The following GNRHR variants were observed in gnomAD, a reference collection of about 807,000 sequenced individuals.
The protein encoded by GNRHR is gonadotropin releasing hormone receptor.
GNRHR carries 14 observed loss-of-function variants against 28.1 expected under a neutral mutation model. That is an observed-to-expected ratio of 0.50 (90% CI 0.33 to 0.78). The LOEUF (loss-of-function observed/expected upper bound fraction) is 0.78, where lower values mean the gene tolerates loss of function less well. GNRHR is among the 30% of genes least tolerant of loss of function. The probability of loss-of-function intolerance (pLI) is 0.02; values close to 1 mark genes in which losing one functional copy is unlikely to be tolerated. For synonymous variants in GNRHR, 141 were observed against 140.5 expected (o/e 1.00, Z -0.02); for missense variants, 366 against 382.1 (o/e 0.96, Z 0.35).
At chr4:67,741,606 G>A (rs913895184) in intron 2 of GNRHR, among the ~76,000 whole-genome samples, 1 of 152,122 alleles carries the variant, frequency 6.6e-6, no homozygotes, top group African/African-American at 2.4e-5. Flanking sequence ...TCTACTTTTA[G>A]TTCTTTAAGG....
rs910922936 is a variant in GNRHR at position 67,739,012 on chromosome 4, C to T, written c.*1468G>A. ...AATTTGCTTTCCATAATACCACACA[C>T]CTGGAGTATTTAGAAATTACATTTC... On this transcript the variant is annotated 3_prime_UTR_variant, in exon 3 of 3. Transcript: ENST00000226413. 6.6e-6 allele frequency among the ~76,000 whole-genome samples: 1 copy of T among 152,002 alleles called. No homozygotes were observed. The highest frequency in any genetic ancestry group is 1.9e-4 in the East Asian group (1 of 5,194).
chr4:67,740,631 C>A lies in GNRHR; in HGVS notation c.836G>T (p.Cys279Phe), dbSNP rs763161932. ...TVAFATSFTV[C>F]WTPYYVLGIW... ...TCCTAGGACATAGTAGGGAGTCCAG[C>A]AGACAGTAAATGAAGTGGCAAATGC... Residue 279 changes from cysteine to phenylalanine, a missense_variant, in exon 3 of 3, where the codon TGC becomes TTC. Coordinates refer to ENST00000226413, the MANE Select transcript of GNRHR (RefSeq NM_000406.3). The A allele has an allele frequency of 6.2e-7, 1 of 1,612,134 alleles. No homozygotes were observed. Among genetic ancestry groups the A allele is most frequent in the African/African-American group, 1.3e-5 (1 of 74,898 alleles).
At chr4:67,744,506 T>C in intron 2 of GNRHR, 62 bp downstream of exon 2, 1 of 918,500 alleles carries the variant, frequency 1.1e-6, no homozygotes, top group East Asian at 2.4e-5. Flanking sequence ...CATGCCACTC[T>C]GTTTTGAGCA....
rs998841884 is a variant in GNRHR, at chr4:67,737,522, C to G, written c.*2958G>C. Among the ~76,000 whole-genome samples the G allele has an allele frequency of 3.9e-5, 6 of 151,920 alleles. No homozygotes were observed. Among genetic ancestry groups the G allele is most frequent in the African/African-American group, 1.4e-4 (6 of 41,424 alleles). On this transcript the variant is annotated 3_prime_UTR_variant, in exon 3 of 3. Coordinates refer to ENST00000226413, the MANE Select transcript of GNRHR (RefSeq NM_000406.3). Reference sequence around the variant, plus strand: ...TATTTTAACTGCCTAAAAACATTATCTCTTCATGACTACCACCTAAGTTCT... The same window carrying G: ...TATTTTAACTGCCTAAAAACATTATGTCTTCATGACTACCACCTAAGTTCT...
chr4:67,741,537 T>A (rs1453679125), intron 2 of GNRHR, among the ~76,000 whole-genome samples: 2 of 152,186 alleles, frequency 1.3e-5, no homozygotes, highest in Non-Finnish European at 2.9e-5. Context: ...TTTCATATAA[T>A]GCCTTTTTTC....
chr4:67,744,743 C>T lies in GNRHR; in HGVS notation c.567G>A (p.Gln189=). 1.2e-6 allele frequency: 2 copies of T among 1,604,060 alleles called. No individual in the cohort carries two copies. Among genetic ancestry groups the T allele is most frequent in the Non-Finnish European group, 8.5e-7 (1 of 1,170,824 alleles). ...TTACACATTGAGAGAAAACTTTTGT[C>T]TGTCCAGAGCTGTCTGCTAGATGAA... ...RMIHLADSSG[Q]TKVFSQCVTH... The change falls in exon 2 of 3, where the codon CAG becomes CAA. Residue 189 remains glutamine, a synonymous_variant. Transcript: ENST00000226413.
At position 67,737,176 on chromosome 4, in the gene GNRHR, T is replaced by C. The variant is rs11131725; in HGVS notation, c.*3304A>G. ...AATACACATGCAATATGAGTTCATTTTGGGAATTTGGAATTACAGGAATTC... is the reference window on the plus strand; with the variant it reads ...AATACACATGCAATATGAGTTCATTCTGGGAATTTGGAATTACAGGAATTC... On this transcript the variant is annotated 3_prime_UTR_variant, in exon 3 of 3. Coordinates refer to ENST00000226413, the MANE Select transcript of GNRHR (RefSeq NM_000406.3). 0.23 allele frequency among the ~76,000 whole-genome samples: 34,896 copies of C among 151,940 alleles called. 4,162 individuals carry two copies. The highest frequency in any genetic ancestry group is 0.3 in the Middle Eastern group (87 of 292).
Position 67,754,216 on chromosome 4 carries a change from C to T in GNRHR, c.120G>A (p.Thr40=), listed in dbSNP as rs144227203. The part of the protein sequence containing the change: ...TLTLSGKIRV[T]VTFFLFLLSA... ...AGAGCAGAAAAAGGAAGAAAGTAAC[C>T]GTCACTCGGATCTTTCCAGACAAGG... Residue 40 remains threonine, a synonymous_variant, in exon 1 of 3, where the codon ACG becomes ACA. Coordinates refer to ENST00000226413, the MANE Select transcript of GNRHR (RefSeq NM_000406.3). 345 of 1,614,010 alleles carry T rather than the reference C, an allele frequency of 2.1e-4. No individual in the cohort carries two copies. The highest frequency in any genetic ancestry group is 2.8e-4 in the Non-Finnish European group (326 of 1,179,944).
At chr4:67,752,163 C>T (rs1731880694) in intron 1 of GNRHR, among the ~76,000 whole-genome samples, 1 of 151,894 alleles carries the variant, frequency 6.6e-6, no homozygotes, top group African/African-American at 2.4e-5. Context: ...TGTTTTATTC[C>T]ACTCCATTTG....
At chr4:67,744,832 A>G (rs767134328) in intron 1 of GNRHR, 45 bp from the exon 2 acceptor site, 4 of 1,149,504 alleles carry the variant, frequency 3.5e-6, no homozygotes, top group Non-Finnish European at 4.0e-6. Context: ...TCCATATGGT[A>G]TTTGAAAGTT....
chr4:67,744,131 C>A (rs1229492143), intron 2 of GNRHR, among the ~76,000 whole-genome samples: 1 of 152,102 alleles, frequency 6.6e-6, no homozygotes, highest in Non-Finnish European at 1.5e-5. Flanking sequence ...AACATACACA[C>A]AAATGTGCAT....
Position 67,754,151 on chromosome 4 carries a change from T to C in GNRHR, c.185A>G (p.Lys62Arg), listed in dbSNP as rs1365854444. 7 of 1,613,832 alleles carry C rather than the reference T, an allele frequency of 4.3e-6. No homozygotes were observed. The highest frequency in any genetic ancestry group is 5.9e-6 in the Non-Finnish European group (7 of 1,179,828). The change falls in exon 1 of 3, where the codon AAG becomes AGG. Residue 62 changes from lysine to arginine, a missense_variant. By Grantham distance (26) the Lys-to-Arg change is conservative. Coordinates refer to ENST00000226413, the MANE Select transcript of GNRHR (RefSeq NM_000406.3). ...FNASFLLKLQ[K>R]WTQKKEKGKK... ...CCCTTTCTCTTTCTTCTGTGTCCAC[T>C]TCTGAAGTTTCAACAAGAAAGAAGC... is the stretch of plus-strand genomic sequence containing the variant.
In GNRHR at chr4:67,746,147, TA is replaced by T. The variant is rs1278481997; in HGVS notation, c.523-1361del. On this transcript the variant is annotated intron_variant, in intron 1 of 2. Coordinates refer to ENST00000226413, the MANE Select transcript of GNRHR (RefSeq NM_000406.3). Reference sequence around the variant, plus strand: ...TACTGTGGCTGTGTGTGAGAGGCCTTAAACACACATTGAAGTATTGAGGGGT... The same window carrying T: ...TACTGTGGCTGTGTGTGAGAGGCCTTAACACACATTGAAGTATTGAGGGGT... Among the ~76,000 whole-genome samples, 6 of 152,176 alleles carry T rather than the reference TA, an allele frequency of 3.9e-5. No individual in the cohort carries two copies. In the East Asian group the frequency reaches 1.2e-3, roughly 29 times the overall value.
chr4:67,743,081 T>A (rs1187466478), intron 2 of GNRHR, among the ~76,000 whole-genome samples: 3 of 152,040 alleles, frequency 2.0e-5, no homozygotes, highest in African/African-American at 7.2e-5. Context: ...GCCTCCTGAG[T>A]AGCTGGGACT....
At chr4:67,753,052 T>C (rs960739644) in intron 1 of GNRHR, among the ~76,000 whole-genome samples, 2 of 152,118 alleles carry the variant, frequency 1.3e-5, no homozygotes, top group Non-Finnish European at 2.9e-5. Flanking sequence ...AAATGGCAGG[T>C]TCAGCAGGTC....
chr4:67,743,073 C>T (rs998384199), intron 2 of GNRHR, among the ~76,000 whole-genome samples: 2 of 152,100 alleles, frequency 1.3e-5, no homozygotes, highest in African/African-American at 4.8e-5. Flanking sequence ...TTGCCTCAGC[C>T]TCCTGAGTAG....
chr4:67,752,230 A>T (rs1293277778), intron 1 of GNRHR, among the ~76,000 whole-genome samples: 3 of 149,896 alleles, frequency 2.0e-5, no homozygotes, highest in Admixed American at 6.7e-5. Context: ...TTTTTGAGAC[A>T]GGTTCTCATT....
chr4:67,748,184 T>C (rs1218938073), intron 1 of GNRHR, among the ~76,000 whole-genome samples: 2 of 152,162 alleles, frequency 1.3e-5, no homozygotes, highest in African/African-American at 4.8e-5. Flanking sequence ...TAGAATATTA[T>C]CTTTAACACT....
At chr4:67,753,748 T>C in intron 1 of GNRHR, 66 bp downstream of exon 1, 2 of 1,316,672 alleles carry the variant, frequency 1.5e-6, no homozygotes, top group East Asian at 2.4e-5. Context: ...GATAAGACCT[T>C]ATATCAAATT....
Sources: gnomAD v4.1 joint callset for allele counts (sites outside exome capture counted in the v4.1 genomes callset) on GRCh38, gnomAD v4.1.1 for gene constraint, MANE v1.5 for transcripts, NCBI Gene and HGNC (gene_info 2026-07-23, HGNC 2026-07-21) for gene names.